UBAC1: variants seen among roughly 807,000 people sequenced by gnomAD.
UBAC1 encodes UBA domain containing 1, also known as ubiquitin-associated domain-containing protein 1.
In UBAC1, 27 loss-of-function variants were observed where a neutral mutation model predicts 45.9. The observed-to-expected ratio is 0.59, with a 90% confidence interval of 0.43 to 0.81. The LOEUF is 0.81. Ranked by LOEUF, UBAC1 falls within the 30% of genes least tolerant of loss-of-function variation. The pLI is 0.00. For missense variants in UBAC1, 529 were observed against 539.2 expected (o/e 0.98, Z 0.19); for synonymous variants, 227 against 215.5 (o/e 1.05, Z -0.47).
intron 6 of UBAC1, 71 bp from the exon 7 acceptor site, chr9:135,945,321 CAAG>C: frequency 7.6e-7 from 1 of 1,319,390 alleles, no homozygotes; most frequent in Non-Finnish European, 1.0e-6. Context: ...TGTCCATTCC[CAAG>C]AAGAGCCTCT....
intron 3 of UBAC1, among the ~76,000 whole-genome samples, chr9:135,949,059 CAAA>C (rs765248761): frequency 3.9e-5 from 4 of 103,130 alleles, no homozygotes; most frequent in Non-Finnish European, 6.0e-5. Flanking sequence ...GACACCATCT[CAAA>C]AAAAAAAAAA....
chr9:135,935,116 C>T (rs1443799791), intron 9 of UBAC1, among the ~76,000 whole-genome samples: 4 of 152,070 alleles, frequency 2.6e-5, no homozygotes, highest in African/African-American at 7.2e-5. Flanking sequence ...AGGCTGGTCT[C>T]GAACTCCTGA....
chr9:135,961,015 C>A lies in UBAC1; in HGVS notation c.138+10G>T, dbSNP rs753891681. On this transcript the variant is annotated intron_variant, in intron 1 of 9. Coordinates refer to ENST00000371756, the MANE Select transcript of UBAC1 (RefSeq NM_016172.3). ...GGGTGTTGGGGGCAGGGGAGGGGGC[C>A]CGGCCTTACGTGCTTGAGGCAGCGC... The A allele has an allele frequency of 1.9e-6, 3 of 1,542,514 alleles. No individual in the cohort carries two copies. The highest frequency in any genetic ancestry group is 2.4e-5 in the South Asian group (2 of 84,778).
chr9:135,952,070 C>T (rs1839412493), intron 3 of UBAC1, among the ~76,000 whole-genome samples: 1 of 152,234 alleles, frequency 6.6e-6, no homozygotes, highest in Non-Finnish European at 1.5e-5. Flanking sequence ...TGCAGCAGTT[C>T]CCAGAAACAG....
chr9:135,935,908 C>T (rs1839198069), intron 9 of UBAC1, among the ~76,000 whole-genome samples: 1 of 151,826 alleles, frequency 6.6e-6, no homozygotes. Flanking sequence ...CACCTGTAGT[C>T]CCAGCTACTC....
chr9:135,934,156 A>G (rs1312542429), intron 9 of UBAC1, among the ~76,000 whole-genome samples: 3 of 152,170 alleles, frequency 2.0e-5, no homozygotes, highest in Non-Finnish European at 4.4e-5. Context: ...CCTGACACAC[A>G]TGGACGCACT....
chr9:135,947,706 C>T, intron 4 of UBAC1, 92 bp downstream of exon 4: 2 of 1,037,754 alleles, frequency 1.9e-6, no homozygotes, highest in Non-Finnish European at 2.8e-6. Context: ...CAGAGAATCT[C>T]CTCTTGCTGC....
At chr9:135,944,962 T>A in intron 7 of UBAC1, 66 bp downstream of exon 7, 1 of 1,494,618 alleles carries the variant, frequency 6.7e-7, no homozygotes, top group Non-Finnish European at 9.1e-7. Flanking sequence ...CCAGCTTCCT[T>A]TCCATGGCGC....
chr9:135,936,969 A>G (rs1839208731), intron 9 of UBAC1, among the ~76,000 whole-genome samples: 1 of 152,248 alleles, frequency 6.6e-6, no homozygotes, highest in Admixed American at 6.5e-5. Context: ...ACCTTTCTGA[A>G]TGAATAAGAA....
intron 3 of UBAC1, 171 bp from the exon 4 acceptor site, chr9:135,948,076 G>A (rs555507442): frequency 8.3e-5 from 50 of 603,330 alleles, no homozygotes; most frequent in African/African-American, 7.3e-4. Context: ...GCAAGGCCCA[G>A]GGACAGCAGA....
intron 9 of UBAC1, 145 bp from the exon 10 acceptor site, chr9:135,933,660 A>T: frequency 1.6e-6 from 1 of 636,940 alleles, no homozygotes; most frequent in Non-Finnish European, 2.8e-6. Flanking sequence ...CTAAGTGTGC[A>T]CTCTCAGGCT....
rs1418049276 is a variant in UBAC1, at chr9:135,933,183, T to C, written c.*217A>G. 12 of 529,470 alleles carry C rather than the reference T, an allele frequency of 2.3e-5. No homozygotes were observed. The highest frequency in any genetic ancestry group is 3.7e-5 in the Non-Finnish European group (11 of 296,342). 32.8% of individuals were successfully genotyped at this position (529,470 alleles called of 1,614,324 possible). On this transcript the variant is annotated 3_prime_UTR_variant, in exon 10 of 10. Transcript: ENST00000371756. Reference sequence around the variant, plus strand: ...CACTTCCCAGTGCGACAACCACTTTTTTGTAAACACCTGTCAGATGCTAAA... The same window carrying C: ...CACTTCCCAGTGCGACAACCACTTTCTTGTAAACACCTGTCAGATGCTAAA...
intron 9 of UBAC1, among the ~76,000 whole-genome samples, chr9:135,937,743 A>G (rs1839216689): frequency 1.3e-5 from 2 of 152,272 alleles, no homozygotes; most frequent in African/African-American, 2.4e-5. Flanking sequence ...CCCAGGCCCA[A>G]AGCTGAATAG....
chr9:135,934,948 A>G (rs528178959), intron 9 of UBAC1, among the ~76,000 whole-genome samples: 102 of 152,198 alleles, frequency 6.7e-4, no homozygotes, highest in Admixed American at 1.2e-3. Context: ...TGGAGTGATC[A>G]TGGCTCACTG....
rs1839165368 is a variant in UBAC1, at chr9:135,933,257, C to G, written c.*143G>C. ...CACCAAAGTTTATAAGCAATAAGAT[C>G]AGAGAGCAGGAGCAGCTGCAGCACC... On this transcript the variant is annotated 3_prime_UTR_variant, in exon 10 of 10. Coordinates refer to ENST00000371756, the MANE Select transcript of UBAC1 (RefSeq NM_016172.3). 3.1e-6 allele frequency: 2 copies of G among 647,580 alleles called. No homozygotes were observed. The highest frequency in any genetic ancestry group is 5.5e-6 in the Non-Finnish European group (2 of 362,572). The allele number at this position is 647,580 out of a possible 1,614,324, so 40.1% of individuals were successfully genotyped here. A position where few individuals can be genotyped will look rare whatever the true frequency, so the allele number is the denominator to read the frequency against.
chr9:135,936,131 T>C (rs1191243505), intron 9 of UBAC1, among the ~76,000 whole-genome samples: 1 of 150,986 alleles, frequency 6.6e-6, no homozygotes, highest in Non-Finnish European at 1.5e-5. Context: ...GCATGGACAG[T>C]GGCGCCATCA....
rs377564954 is a variant in UBAC1, at chr9:135,957,233, TG to T, written c.139-1819del. Among the ~76,000 whole-genome samples, 621 of 152,010 alleles carry T rather than the reference TG, an allele frequency of 4.1e-3. 3 individuals are homozygous for T. Among genetic ancestry groups the T allele is most frequent in the South Asian group, 0.014 (65 of 4,798 alleles). On this transcript the variant is annotated intron_variant, in intron 1 of 9. Coordinates refer to ENST00000371756, the MANE Select transcript of UBAC1 (RefSeq NM_016172.3). ...AAAACTGGCCAGGCTGAGGGGATGT[TG>T]GGGGGACGCAGCTACTAGGAAGACA...
intron 2 of UBAC1, 52 bp downstream of exon 2, chr9:135,955,243 C>T (rs1288420181): frequency 6.8e-7 from 1 of 1,479,190 alleles, no homozygotes; most frequent in Admixed American, 2.4e-5. Context: ...CTCCAGCGCC[C>T]CCAGCAGTGC....
intron 3 of UBAC1, among the ~76,000 whole-genome samples, chr9:135,953,386 G>A (rs1015333822): frequency 6.6e-5 from 10 of 152,032 alleles, no homozygotes; most frequent in Admixed American, 3.9e-4. Flanking sequence ...GCACGATCTC[G>A]GCTCACTGCA....
Sources: gnomAD v4.1 joint callset for allele counts (sites outside exome capture counted in the v4.1 genomes callset) on GRCh38, gnomAD v4.1.1 for gene constraint, MANE v1.5 for transcripts, NCBI Gene and HGNC (gene_info 2026-07-23, HGNC 2026-07-21) for gene names.